PRUNE2: variants seen among roughly 807,000 people sequenced by gnomAD.
PRUNE2 encodes the protein prune homolog 2 with BCH domain, also known as protein prune homolog 2.
A neutral mutation model predicts 252.0 loss-of-function variants in PRUNE2; 164 were observed. That is an observed-to-expected ratio of 0.65 (90% CI 0.57 to 0.74). The LOEUF is 0.74. PRUNE2 is among the 30% of genes least tolerant of loss of function. The pLI, the probability that PRUNE2 is intolerant of heterozygous loss-of-function variation, is 0.00. For missense variants in PRUNE2, 3,495 were observed against 3,711.0 expected (o/e 0.94, Z 1.51); for synonymous variants, 1,292 against 1,350.2 (o/e 0.96, Z 0.94).
At chr9:76,728,754 C>T (rs1222522220) in intron 6 of PRUNE2, among the ~76,000 whole-genome samples, 1 of 152,216 alleles carries the variant, frequency 6.6e-6, no homozygotes, top group East Asian at 1.9e-4. Flanking sequence ...ATCCTAGCTC[C>T]ACAGCCTGTT....
At chr9:76,641,854 G>T in intron 12 of PRUNE2, 1 of 1,248,186 alleles carries the variant, frequency 8.0e-7, no homozygotes, top group Non-Finnish European at 1.1e-6. Flanking sequence ...ATGGAATGGA[G>T]ACAGAAGGAA....
intron 6 of PRUNE2, among the ~76,000 whole-genome samples, chr9:76,779,218 G>A (rs1025989879): frequency 6.7e-6 from 1 of 148,506 alleles, no homozygotes; most frequent in Non-Finnish European, 1.5e-5. Flanking sequence ...AATGGACAAA[G>A]TGAAAAACTT....
chr9:76,655,394 C>T (rs988449854), intron 10 of PRUNE2, 29 bp downstream of exon 10: 11 of 1,535,276 alleles, frequency 7.2e-6, no homozygotes, highest in East Asian at 4.5e-5. Flanking sequence ...AGAATACCAA[C>T]GAAGGAAATG....
intron 4 of PRUNE2, among the ~76,000 whole-genome samples, chr9:76,829,643 C>A (rs2058554143): frequency 6.6e-6 from 1 of 152,104 alleles, no homozygotes; most frequent in Non-Finnish European, 1.5e-5. Context: ...ACTATCTGGA[C>A]CTATACCAAC....
At chr9:76,746,627 C>A (rs1472653668) in intron 6 of PRUNE2, among the ~76,000 whole-genome samples, 3 of 145,646 alleles carry the variant, frequency 2.1e-5, no homozygotes, top group African/African-American at 7.7e-5. Flanking sequence ...ATGGCGTGAA[C>A]CCGGGAAGCG....
chr9:76,889,084 C>T (rs144150201), intron 1 of PRUNE2, among the ~76,000 whole-genome samples: 2,115 of 152,126 alleles, frequency 0.014, 50 homozygotes, highest in African/African-American at 0.047. Flanking sequence ...CTCCTGACCT[C>T]AGGTGATCCA....
chr9:76,818,008 A>C (rs1480062959), intron 6 of PRUNE2, among the ~76,000 whole-genome samples: 1 of 152,216 alleles, frequency 6.6e-6, no homozygotes, highest in Non-Finnish European at 1.5e-5. Context: ...AAATATTTCA[A>C]TATGCAAATC....
chr9:76,673,600 A>T (rs2041954430), intron 9 of PRUNE2, among the ~76,000 whole-genome samples: 1 of 148,918 alleles, frequency 6.7e-6, no homozygotes, highest in African/African-American at 2.5e-5. Context: ...AGACACAACA[A>T]AAAAAGAGAA....
intron 1 of PRUNE2, among the ~76,000 whole-genome samples, chr9:76,879,972 G>A (rs1167898069): frequency 1.5e-5 from 2 of 133,256 alleles, no homozygotes; most frequent in African/African-American, 5.8e-5. Flanking sequence ...GGAGTGCAGT[G>A]GTGCAATCTC....
chr9:76,804,689 GGT>G lies in PRUNE2; in HGVS notation c.756+18941_756+18942del, dbSNP rs535325083. On this transcript the variant is annotated intron_variant, in intron 6 of 18. Transcript: ENST00000376718. ...TTTCAGCCAACAGAAAGCCCCAGTG[GGT>G]GCTGGGAAGGAGAAAGAGAGTGGGG... Among the ~76,000 whole-genome samples the G allele has an allele frequency of 1.4e-3, 220 of 152,272 alleles. 1 individual carries two copies. The highest frequency in any genetic ancestry group is 4.8e-3 in the African/African-American group (199 of 41,542).
At position 76,708,023 on chromosome 9, in the gene PRUNE2, T is replaced by C. The variant is rs776863800; in HGVS notation, c.4251A>G (p.Thr1417=). ...GCTGCAGGTTATCTGCGGACATCCC[T>C]GTTTGCACATCACGGGAGTCTAGAT... ...SYNLDSRDVQ[T]GMSADNLQPK... is the part of the protein sequence containing the mutation. The change falls in exon 8 of 19, where the codon ACA becomes ACG. Residue 1417 remains threonine, a synonymous_variant. Coordinates refer to ENST00000376718, the MANE Select transcript of PRUNE2 (RefSeq NM_015225.3). 74 of 1,613,892 alleles carry C rather than the reference T, an allele frequency of 4.6e-5. No individual in the cohort carries two copies. Among genetic ancestry groups the C allele is most frequent in the Non-Finnish European group, 5.9e-5 (70 of 1,179,884 alleles).
intron 9 of PRUNE2, among the ~76,000 whole-genome samples, chr9:76,681,901 T>C (rs759489804): frequency 2.6e-5 from 4 of 152,236 alleles, no homozygotes; most frequent in Non-Finnish European, 5.9e-5. Context: ...GTGTATCTTT[T>C]TAAAGACACA....
In PRUNE2 at chr9:76,774,450, C is replaced by CTTTTTTTATTTATTTATTTATTTTTTTT. The variant is rs1564272256; in HGVS notation, c.756+49181_756+49182insAAAAAAAATAAATAAATAAATAAAAAAA. Among the ~76,000 whole-genome samples the CTTTTTTTATTTATTTATTTATTTTTTTT allele has an allele frequency of 1.7e-4, 7 of 41,392 alleles. 1 individual carries two copies. Among genetic ancestry groups the CTTTTTTTATTTATTTATTTATTTTTTTT allele is most frequent in the East Asian group, 1.0e-3 (1 of 970 alleles). 27.2% of individuals were successfully genotyped at this position (41,392 alleles called of 152,430 possible). On this transcript the variant is annotated intron_variant, in intron 6 of 18. Coordinates refer to ENST00000376718, the MANE Select transcript of PRUNE2 (RefSeq NM_015225.3). The stretch of plus-strand genomic sequence containing the variant: ...ATCGTTCCTGGCCTCCAGTTCAACC[C>CTTTTTTTATTTATTTATTTATTTTTTTT]TTTTTTTTTTTTTTTTTTTTTTTTT...
chr9:76,677,870 A>G (rs1405158916), intron 9 of PRUNE2, among the ~76,000 whole-genome samples: 1 of 152,094 alleles, frequency 6.6e-6, no homozygotes, highest in Admixed American at 6.6e-5. Flanking sequence ...CGGGGCAGAC[A>G]TAAGAAGGAA....
At chr9:76,790,377 T>C (rs944753282) in intron 6 of PRUNE2, among the ~76,000 whole-genome samples, 9 of 152,186 alleles carry the variant, frequency 5.9e-5, no homozygotes, top group African/African-American at 2.2e-4. Context: ...TGACCTCTAG[T>C]TAACTAGTTA....
At chr9:76,690,331 A>G (rs2044576249) in intron 9 of PRUNE2, among the ~76,000 whole-genome samples, 1 of 152,196 alleles carries the variant, frequency 6.6e-6, no homozygotes, top group Non-Finnish European at 1.5e-5. Flanking sequence ...TGCCTGCAAA[A>G]TCTTGACAAT....
Position 76,710,574 on chromosome 9 carries a change from T to A in PRUNE2, c.1700A>T (p.Asp567Val), listed in dbSNP as rs752861519. 6.2e-7 allele frequency: 1 copy of A among 1,613,872 alleles called. No homozygotes were observed. Among genetic ancestry groups the A allele is most frequent in the South Asian group, 1.1e-5 (1 of 91,056 alleles). ...GTCTTGTCTCTGGACAAACTCCTCA[T>A]CATGTTCCACAAGGCTATCTTTGCC... ...GAGKDSLVEH[D>V]EEFVQRQDSP... The change falls in exon 8 of 19, where the codon GAT becomes GTT. Residue 567 changes from aspartate to valine, a missense_variant. Physicochemically the swap from Asp to Val is radical, Grantham distance 152. Coordinates refer to ENST00000376718, the MANE Select transcript of PRUNE2 (RefSeq NM_015225.3).
chr9:76,651,823 G>A (rs2133252337), intron 11 of PRUNE2: 1 of 152,262 alleles, frequency 6.6e-6, no homozygotes, highest in South Asian at 2.1e-4. Flanking sequence ...CAAATATAAA[G>A]TCCTTGCTCC....
chr9:76,634,898 T>C (rs961731849), intron 15 of PRUNE2, among the ~76,000 whole-genome samples: 4 of 152,208 alleles, frequency 2.6e-5, no homozygotes, highest in Admixed American at 1.3e-4. Context: ...ATACATTGAT[T>C]CCTACTCCCT....
Sources: gnomAD v4.1 joint callset for allele counts (sites outside exome capture counted in the v4.1 genomes callset) on GRCh38, gnomAD v4.1.1 for gene constraint, MANE v1.5 for transcripts, NCBI Gene and HGNC (gene_info 2026-07-23, HGNC 2026-07-21) for gene names.